Variants in GNAZ observed in about 807,000 individuals in gnomAD.
The protein encoded by GNAZ is G protein subunit alpha z.
Under a neutral mutation model 25.4 loss-of-function variants are expected in GNAZ, and 3 were observed. The observed-to-expected ratio is 0.12, with a 90% CI of 0.05 to 0.30. GNAZ has a LOEUF of 0.30. Among genes scored for constraint, GNAZ ranks in the 10% least tolerant of loss-of-function variants. The pLI is 1.00. For missense variants in GNAZ, 241 were observed against 501.8 expected, an observed-to-expected ratio of 0.48 and a Z score of 4.97; for synonymous variants, 211 against 205.7, an observed-to-expected ratio of 1.03 and a Z score of -0.22.
At chr22:23,081,852 G>T (rs183316261) in intron 1 of GNAZ, among the ~76,000 whole-genome samples, 1,503 of 141,766 alleles carry the variant, frequency 0.011, 15 homozygotes, top group Non-Finnish European at 0.015. Flanking sequence ...AAGGCCAGGC[G>T]CAGTGGCTCA....
At chr22:23,079,123 C>G (rs2146264760) in intron 1 of GNAZ, among the ~76,000 whole-genome samples, 1 of 152,320 alleles carries the variant, frequency 6.6e-6, no homozygotes, top group East Asian at 1.9e-4. Context: ...ACCAACAGTC[C>G]CTGCCCTATG....
At chr22:23,097,859 C>T (rs1228507471) in intron 2 of GNAZ, among the ~76,000 whole-genome samples, 5 of 152,350 alleles carry the variant, frequency 3.3e-5, no homozygotes, top group Admixed American at 1.3e-4. Context: ...CACGGGCTTG[C>T]GCCACTGGCC....
intron 2 of GNAZ, among the ~76,000 whole-genome samples, chr22:23,104,997 G>GCC (rs1215208399): frequency 3.7e-4 from 57 of 152,342 alleles, no homozygotes; most frequent in Non-Finnish European, 5.6e-4. Flanking sequence ...GCTTAGGCCA[G>GCC]CCCAGGAGCC....
At chr22:23,123,051 C>A in intron 2 of GNAZ, 36 bp from the exon 3 acceptor site, 1 of 1,392,670 alleles carries the variant, frequency 7.2e-7, no homozygotes, top group Non-Finnish European at 1.0e-6. Context: ...CTGCCTGCTG[C>A]GGGCCTGATT....
At chr22:23,086,084 G>T (rs1409131441) in intron 1 of GNAZ, among the ~76,000 whole-genome samples, 1 of 152,246 alleles carries the variant, frequency 6.6e-6, no homozygotes. Flanking sequence ...TGTCTACGGC[G>T]GGTGACCCTG....
At position 23,124,198 on chromosome 22, in the gene GNAZ, T is replaced by TTG. The variant is rs1362456419; in HGVS notation, c.*768_*769insGT. ...GGTTTTCCTTCTCTGACATTTTTTT[T>TTG]TTGTTTTGTTTTTTGGTTTTTTTTT... is the stretch of plus-strand genomic sequence containing the variant. On this transcript the variant is annotated 3_prime_UTR_variant, in exon 3 of 3. Coordinates refer to ENST00000615612, the MANE Select transcript of GNAZ (RefSeq NM_002073.4). The TTG allele has an allele frequency of 2.2e-5, 4 of 181,594 alleles. No homozygotes were observed. Among genetic ancestry groups the TTG allele is most frequent in the African/African-American group, 1.4e-4 (4 of 28,628 alleles). The allele number at this position is 181,594 out of a possible 1,614,324, so 11.2% of individuals were successfully genotyped here.
At chr22:23,099,340 A>T (rs2069227545) in intron 2 of GNAZ, among the ~76,000 whole-genome samples, 1 of 152,092 alleles carries the variant, frequency 6.6e-6, no homozygotes, top group African/African-American at 2.4e-5. Flanking sequence ...CACGGTTCCC[A>T]CCCTCGTCCG....
Position 23,095,586 on chromosome 22 carries a change from G to A in GNAZ, c.-110G>A. 1 of 1,248,310 alleles carries A rather than the reference G, an allele frequency of 8.0e-7. No individual in the cohort carries two copies. The highest frequency in any genetic ancestry group is 1.1e-6 in the Non-Finnish European group (1 of 912,608). 77.3% of individuals were successfully genotyped at this position (1,248,310 alleles called of 1,614,324 possible). A position where few individuals can be genotyped will look rare whatever the true frequency, so the allele number is the denominator to read the frequency against. On this transcript the variant is annotated 5_prime_UTR_variant, in exon 2 of 3. The change creates a new upstream start codon in the 5' untranslated region. Coordinates refer to ENST00000615612, the MANE Select transcript of GNAZ (RefSeq NM_002073.4). Reference sequence around the variant, plus strand: ...GGCCTCACCCCCCTGCTGGCACTGAGTGCCTCCAGGGCAGCTGGGCTCTTG... The same window carrying A: ...GGCCTCACCCCCCTGCTGGCACTGAATGCCTCCAGGGCAGCTGGGCTCTTG...
rs2069368428 is a variant in GNAZ, at chr22:23,103,583, TC to T, written c.723+7168del. ...GCGGCTCTTCACTTGCCTGCCTCCCTCCCGCTCTTCCTCGGCAGATTTAAGA... is the reference window on the plus strand; with the variant it reads ...GCGGCTCTTCACTTGCCTGCCTCCCTCCGCTCTTCCTCGGCAGATTTAAGA... On this transcript the variant is annotated intron_variant, in intron 2 of 2. Transcript: ENST00000615612. 7.2e-5 allele frequency among the ~76,000 whole-genome samples: 11 copies of T among 152,274 alleles called. 1 individual carries two copies. The South Asian group carries it at 2.3e-3, about 32-fold the overall frequency.
chr22:23,118,178 A>T (rs1037082837), intron 2 of GNAZ, among the ~76,000 whole-genome samples: 11 of 152,144 alleles, frequency 7.2e-5, no homozygotes, highest in African/African-American at 2.7e-4. Context: ...CCAGGAAATG[A>T]CTTCCACACC....
chr22:23,097,973 G>C (rs2069175972), intron 2 of GNAZ, among the ~76,000 whole-genome samples: 1 of 152,270 alleles, frequency 6.6e-6, no homozygotes, highest in African/African-American at 2.4e-5. Context: ...GCTGGACACA[G>C]GAGGCAGGAT....
At chr22:23,100,921 G>A (rs1012214813) in intron 2 of GNAZ, among the ~76,000 whole-genome samples, 7 of 152,316 alleles carry the variant, frequency 4.6e-5, no homozygotes, top group South Asian at 2.1e-4. Flanking sequence ...CCACCCTAGC[G>A]CTGTGGTTTA....
chr22:23,116,329 T>A (rs995603065), intron 2 of GNAZ, among the ~76,000 whole-genome samples: 8 of 152,236 alleles, frequency 5.3e-5, no homozygotes, highest in African/African-American at 1.9e-4. Flanking sequence ...CATGAAGGGC[T>A]GGCCTGTCCG....
rs2070080689 is a variant in GNAZ, at chr22:23,123,228, C to T, written c.865C>T (p.Pro289Ser). The T allele has an allele frequency of 6.2e-7, 1 of 1,614,084 alleles. No homozygotes were observed. Among genetic ancestry groups the T allele is most frequent in the African/African-American group, 1.3e-5 (1 of 74,942 alleles). Reference protein sequence around the residue: ...IRRIPLTICFPEYKGQNTYEE... With the variant: ...IRRIPLTICFSEYKGQNTYEE... ...CCGCATCCCGCTCACCATCTGCTTT[C>T]CCGAGTACAAGGGCCAGAACACGTA... is the stretch of plus-strand genomic sequence containing the variant. The change falls in exon 3 of 3, where the codon CCC (proline) becomes TCC (serine). Residue 289 changes from proline to serine, a missense_variant. Transcript: ENST00000615612.
chr22:23,120,841 G>A (rs1328581971), intron 2 of GNAZ, among the ~76,000 whole-genome samples: 3 of 152,172 alleles, frequency 2.0e-5, no homozygotes, highest in African/African-American at 7.2e-5. Context: ...TGTGGACTCA[G>A]GGCGCGCTCA....
chr22:23,076,191 T>C (rs1046747757), intron 1 of GNAZ, among the ~76,000 whole-genome samples: 4 of 152,190 alleles, frequency 2.6e-5, no homozygotes, highest in Non-Finnish European at 4.4e-5. Context: ...ATGTTTCCTA[T>C]GCCCTTTCCT....
At chr22:23,111,027 G>C (rs1171455573) in intron 2 of GNAZ, among the ~76,000 whole-genome samples, 3 of 152,338 alleles carry the variant, frequency 2.0e-5, no homozygotes, top group African/African-American at 7.2e-5. Context: ...CTTCGAATGA[G>C]GGGGTAGGAT....
chr22:23,093,944 T>G (rs2069054851), intron 1 of GNAZ, among the ~76,000 whole-genome samples: 1 of 152,048 alleles, frequency 6.6e-6, no homozygotes, highest in Non-Finnish European at 1.5e-5. Flanking sequence ...GGACTAGTGG[T>G]CAAGGTCTGT....
intron 1 of GNAZ, among the ~76,000 whole-genome samples, chr22:23,089,049 G>A (rs939449353): frequency 5.3e-5 from 8 of 152,172 alleles, no homozygotes; most frequent in Non-Finnish European, 8.8e-5. Flanking sequence ...CACTCTTTCC[G>A]TCGCCCAAGC....
Sources: allele counts gnomAD v4.1 joint callset (sites outside exome capture counted in the v4.1 genomes callset), GRCh38; gene constraint gnomAD v4.1.1; transcripts MANE v1.5; gene names NCBI Gene and HGNC (gene_info 2026-07-23, HGNC 2026-07-21).